The following DAB2IP variants were observed in gnomAD, a reference collection of about 807,000 sequenced individuals.
The protein encoded by DAB2IP is DAB2 interacting protein.
In DAB2IP, 28 loss-of-function variants were observed where a neutral mutation model predicts 107.2. The ratio of observed to expected loss-of-function variants is 0.26; its 90% CI spans 0.19 to 0.36. The LOEUF is 0.36. Among genes scored for constraint, DAB2IP ranks in the 10% least tolerant of loss-of-function variants. The pLI is 1.00. For missense variants in DAB2IP, 1,400 were observed against 1,644.7 expected (o/e 0.85, Z 2.57); for synonymous variants, 755 against 706.4 (o/e 1.07, Z -1.09).
At chr9:121,568,691 T>C (rs10985320) in intron 1 of DAB2IP, among the ~76,000 whole-genome samples, 34,138 of 152,038 alleles carry the variant, frequency 0.22, 4,349 homozygotes, top group African/African-American at 0.33. Flanking sequence ...AGCTTGGCAT[T>C]GGGATGCGTA....
intron 6 of DAB2IP, among the ~76,000 whole-genome samples, chr9:121,761,169 C>T (rs1407711840): frequency 2.0e-5 from 3 of 152,238 alleles, no homozygotes; most frequent in Non-Finnish European, 4.4e-5. Flanking sequence ...CAAATGGGCT[C>T]CTGGACCAGG....
At chr9:121,695,917 C>T (rs114831434) in intron 2 of DAB2IP, among the ~76,000 whole-genome samples, 7,803 of 152,142 alleles carry the variant, frequency 0.051, 442 homozygotes, top group African/African-American at 0.13. Flanking sequence ...TTGCCCAGGC[C>T]GAAGTGCAGT....
chr9:121,706,685 A>G (rs538425167), intron 3 of DAB2IP, among the ~76,000 whole-genome samples: 22 of 152,272 alleles, frequency 1.4e-4, no homozygotes, highest in African/African-American at 5.3e-4. Flanking sequence ...TGGAAATGAT[A>G]GGGGAGTTTC....
At chr9:121,771,139 G>A (rs527990380) in intron 11 of DAB2IP, among the ~76,000 whole-genome samples, 5 of 152,254 alleles carry the variant, frequency 3.3e-5, no homozygotes, top group African/African-American at 1.2e-4. Context: ...TGTTTAGTTG[G>A]GGGTGTTTTC....
intron 4 of DAB2IP, among the ~76,000 whole-genome samples, chr9:121,758,267 G>A (rs557632629): frequency 6.6e-6 from 1 of 152,306 alleles, no homozygotes; most frequent in South Asian, 2.1e-4. Context: ...CTGGACCAGA[G>A]GTTGAGTGAG....
At chr9:121,742,484 C>G (rs1832424528) in intron 3 of DAB2IP, among the ~76,000 whole-genome samples, 1 of 152,216 alleles carries the variant, frequency 6.6e-6, no homozygotes, top group Non-Finnish European at 1.5e-5. Flanking sequence ...CTCCAGGTGC[C>G]AGAATGGCCC....
intron 8 of DAB2IP, 45 bp from the exon 9 acceptor site, chr9:121,766,449 G>A (rs777022467): frequency 5.7e-6 from 9 of 1,566,032 alleles, no homozygotes; most frequent in Non-Finnish European, 7.8e-6. Flanking sequence ...CCTGTCCTGG[G>A]CCCCTGCCTG....
At chr9:121,682,397 C>T (rs750178419) in intron 2 of DAB2IP, among the ~76,000 whole-genome samples, 21 of 152,180 alleles carry the variant, frequency 1.4e-4, no homozygotes, top group Non-Finnish European at 2.1e-4. Flanking sequence ...CAATGAGTCA[C>T]GGTGTAAGGT....
chr9:121,679,450 A>T (rs1482605364), intron 2 of DAB2IP, among the ~76,000 whole-genome samples: 1 of 149,814 alleles, frequency 6.7e-6, no homozygotes, highest in Non-Finnish European at 1.5e-5. Flanking sequence ...ACACACACAC[A>T]CACCAGAGTT....
intron 2 of DAB2IP, among the ~76,000 whole-genome samples, chr9:121,693,676 C>T (rs762395794): frequency 2.6e-5 from 4 of 152,156 alleles, no homozygotes; most frequent in East Asian, 1.9e-4. Context: ...GAGAGCTTAA[C>T]GGGTGACAAA....
At chr9:121,650,052 T>G (rs968634646), upstream of DAB2IP, among the ~76,000 whole-genome samples, 3 of 152,190 alleles carry the variant, frequency 2.0e-5, no homozygotes, top group African/African-American at 7.2e-5. Context: ...CTATGGTTAG[T>G]GTGAGTATAT....
chr9:121,619,710 A>G (rs939084684), intron 1 of DAB2IP, among the ~76,000 whole-genome samples: 2 of 152,222 alleles, frequency 1.3e-5, no homozygotes, highest in African/African-American at 2.4e-5. Context: ...GATCCCAGTA[A>G]TGATTTCCGG....
At chr9:121,617,289 A>G (rs1464925531) in intron 1 of DAB2IP, among the ~76,000 whole-genome samples, 1 of 152,194 alleles carries the variant, frequency 6.6e-6, no homozygotes, top group Non-Finnish European at 1.5e-5. Context: ...GGGCCACTGC[A>G]CTCCAGCCTG....
At chr9:121,645,814 GT>G (rs1564131081) in intron 1 of DAB2IP, among the ~76,000 whole-genome samples, 1 of 152,210 alleles carries the variant, frequency 6.6e-6, no homozygotes. Context: ...CGAGGGAGAC[GT>G]GCATGTCCTC....
chr9:121,667,666 C>CT (rs57124591), intron 1 of DAB2IP, among the ~76,000 whole-genome samples: 38,521 of 146,998 alleles, frequency 0.26, 5,555 homozygotes, highest in East Asian at 0.46. Flanking sequence ...AATTTTTCAT[C>CT]TTTTTTTTTT....
At chr9:121,764,959 C>G (rs1042405427) in intron 8 of DAB2IP, among the ~76,000 whole-genome samples, 1 of 152,202 alleles carries the variant, frequency 6.6e-6, no homozygotes, top group Non-Finnish European at 1.5e-5. Context: ...CACAGGAAGG[C>G]CAGAGAAGTG....
chr9:121,746,894 C>A (rs1832759567), intron 3 of DAB2IP, among the ~76,000 whole-genome samples: 1 of 152,130 alleles, frequency 6.6e-6, no homozygotes, highest in African/African-American at 2.4e-5. Context: ...AGAAACCAGT[C>A]CCACTCAGGC....
chr9:121,682,461 CT>C (rs754817329), intron 2 of DAB2IP, among the ~76,000 whole-genome samples: 3 of 152,204 alleles, frequency 2.0e-5, no homozygotes, highest in Non-Finnish European at 4.4e-5. Context: ...CTGGGAAGGG[CT>C]TGTCAGAGGT....
intron 1 of DAB2IP, among the ~76,000 whole-genome samples, chr9:121,658,578 C>A (rs552119725): frequency 5.6e-4 from 86 of 152,306 alleles, no homozygotes; most frequent in Non-Finnish European, 9.7e-4. Context: ...CCCATGTGGC[C>A]TTCAGTTTGG....
Sources: allele counts gnomAD v4.1 joint callset (sites outside exome capture counted in the v4.1 genomes callset), GRCh38; gene constraint gnomAD v4.1.1; transcripts MANE v1.5; gene names NCBI Gene and HGNC (gene_info 2026-07-23, HGNC 2026-07-21).